Variants in DNAJC18 observed in about 807,000 individuals in gnomAD.
DNAJC18 encodes the protein DnaJ heat shock protein family (Hsp40) member C18, also known as dnaJ homolog subfamily C member 18.
Under a neutral mutation model 48.6 loss-of-function variants are expected in DNAJC18, and 40 were observed. The observed-to-expected ratio is 0.82, with a 90% confidence interval of 0.64 to 1.07. The LOEUF (loss-of-function observed/expected upper bound fraction) is 1.07. DNAJC18 is among the 50% of genes least tolerant of loss of function. The pLI is 0.00. For missense variants in DNAJC18, 340 were observed against 427.7 expected (o/e 0.79, Z 1.81); for synonymous variants, 135 against 152.2 (o/e 0.89, Z 0.83).
At chr5:139,426,111 A>G in intron 4 of DNAJC18, 61 bp downstream of exon 4, 1 of 1,532,420 alleles carries the variant, frequency 6.5e-7, no homozygotes, top group Non-Finnish European at 8.9e-7. Flanking sequence ...TTCAAACAGG[A>G]GCTTGCTGAG....
At chr5:139,428,872 C>T (rs1262692192) in intron 2 of DNAJC18, among the ~76,000 whole-genome samples, 189 bp from the exon 3 acceptor site, 1 of 152,076 alleles carries the variant, frequency 6.6e-6, no homozygotes, top group Non-Finnish European at 1.5e-5. Flanking sequence ...TAATGCCTTT[C>T]AAAGTACTTT....
chr5:139,426,067 G>C, intron 4 of DNAJC18, 105 bp downstream of exon 4: 1 of 1,258,612 alleles, frequency 7.9e-7, no homozygotes. Context: ...GATCCTTGCT[G>C]TTTCCATCAT....
In DNAJC18 at chr5:139,414,131, G is replaced by T. The variant is rs749459331; in HGVS notation, c.*17C>A. On this transcript the variant is annotated 3_prime_UTR_variant, in exon 8 of 8. Coordinates refer to ENST00000302060, the MANE Select transcript of DNAJC18 (RefSeq NM_152686.4). ...ACAAGTAGCAAAACCCCAGCCCTGC[G>T]TAGGACCATTATCCTCTCAGCCACC... is the stretch of plus-strand genomic sequence containing the variant. 6.2e-7 allele frequency: 1 copy of T among 1,608,392 alleles called. No homozygotes were observed. The highest frequency in any genetic ancestry group is 1.7e-5 in the Admixed American group (1 of 58,656).
intron 3 of DNAJC18, among the ~76,000 whole-genome samples, chr5:139,427,779 T>C (rs1022806287): frequency 1.3e-5 from 2 of 152,224 alleles, no homozygotes; most frequent in African/African-American, 4.8e-5. Context: ...CTGTCCCACC[T>C]TTTTTGTTTT....
At position 139,439,476 on chromosome 5, in the gene DNAJC18, C is replaced by G; in HGVS notation, c.-31G>C. 6.2e-7 allele frequency: 1 copy of G among 1,613,832 alleles called. No individual in the cohort carries two copies. Among genetic ancestry groups the G allele is most frequent in the Middle Eastern group, 1.6e-4 (1 of 6,062 alleles). The stretch of plus-strand genomic sequence containing the variant: ...TTCCCAATCAGCAGGTCCGCCGAGC[C>G]TCCCCCGTGCCCGAGGCTGAAAGAG... On this transcript the variant is annotated 5_prime_UTR_variant, in exon 1 of 8. Coordinates refer to ENST00000302060, the MANE Select transcript of DNAJC18 (RefSeq NM_152686.4). This position sits in a 1 kb window ranked among gnomAD's most constrained non-coding sequence, Gnocchi z 4.1.
chr5:139,439,467 C>T lies in DNAJC18; in HGVS notation c.-22G>A. On this transcript the variant is annotated 5_prime_UTR_variant, in exon 1 of 8. Transcript: ENST00000302060. This position sits in a 1 kb window ranked among gnomAD's most constrained non-coding sequence, Gnocchi z 4.1. ...CCATATCGGTTCCCAATCAGCAGGTCCGCCGAGCCTCCCCCGTGCCCGAGG... is the reference window on the plus strand; with the variant it reads ...CCATATCGGTTCCCAATCAGCAGGTTCGCCGAGCCTCCCCCGTGCCCGAGG... The T allele has an allele frequency of 6.2e-7, 1 of 1,613,804 alleles. No individual in the cohort carries two copies. Among genetic ancestry groups the T allele is most frequent in the Non-Finnish European group, 8.5e-7 (1 of 1,179,926 alleles).
chr5:139,423,763 A>G (rs1759190027), intron 5 of DNAJC18, among the ~76,000 whole-genome samples: 1 of 152,158 alleles, frequency 6.6e-6, no homozygotes, highest in African/African-American at 2.4e-5. Context: ...AAAAAAAAAA[A>G]AATCTGAAAT....
intron 3 of DNAJC18, 128 bp from the exon 4 acceptor site, chr5:139,426,485 T>A: frequency 2.8e-6 from 3 of 1,086,022 alleles, no homozygotes; most frequent in Non-Finnish European, 1.3e-6. Flanking sequence ...CAAGAAGAGA[T>A]GCTTGGGCCT....
At position 139,414,099 on chromosome 5, in the gene DNAJC18, A is replaced by C. The variant is rs1441019942; in HGVS notation, c.*49T>G. The C allele has an allele frequency of 1.9e-6, 3 of 1,585,162 alleles. No homozygotes were observed. The highest frequency in any genetic ancestry group is 2.6e-6 in the Non-Finnish European group (3 of 1,169,552). ...ATTATAAAATGGAATCAGGAACATAAATAGGAACAAGTAGCAAAACCCCAG... is the reference window on the plus strand; with the variant it reads ...ATTATAAAATGGAATCAGGAACATACATAGGAACAAGTAGCAAAACCCCAG... On this transcript the variant is annotated 3_prime_UTR_variant, in exon 8 of 8. Coordinates refer to ENST00000302060, the MANE Select transcript of DNAJC18 (RefSeq NM_152686.4).
At chr5:139,428,805 GCA>G (rs1020200206) in intron 2 of DNAJC18, 122 bp from the exon 3 acceptor site, 11 of 1,182,820 alleles carry the variant, frequency 9.3e-6, no homozygotes, top group Non-Finnish European at 1.3e-5. Context: ...GAAAATTAGT[GCA>G]CACGTTAATG....
At chr5:139,420,450 A>C (rs1253741464) in intron 6 of DNAJC18, 1 of 499,540 alleles carries the variant, frequency 2.0e-6, no homozygotes, top group Non-Finnish European at 3.4e-6. Flanking sequence ...GCTTCAGCAT[A>C]GTTTATTCTC....
chr5:139,429,850 C>T (rs553381491), intron 2 of DNAJC18, among the ~76,000 whole-genome samples: 2 of 152,142 alleles, frequency 1.3e-5, no homozygotes, highest in African/African-American at 4.8e-5. Context: ...TCACTTAAGC[C>T]CAGGAGTTTG....
chr5:139,419,190 A>G (rs1759112489), intron 7 of DNAJC18: 1 of 445,192 alleles, frequency 2.2e-6, no homozygotes, highest in African/African-American at 2.0e-5. Context: ...ATAAAAAAGA[A>G]AATAAAAATA....
chr5:139,432,396 C>T (rs1759343674), intron 2 of DNAJC18, among the ~76,000 whole-genome samples: 1 of 152,144 alleles, frequency 6.6e-6, no homozygotes, highest in Non-Finnish European at 1.5e-5. Flanking sequence ...AACTCCTGAC[C>T]TTGTGATCCA....
intron 2 of DNAJC18, among the ~76,000 whole-genome samples, chr5:139,435,705 G>GTTTTGTTTTTTTTTTTTTTTTT (rs1750628150): frequency 2.4e-5 from 1 of 41,194 alleles, no homozygotes; most frequent in African/African-American, 1.1e-4. Context: ...TTCATTGGAA[G>GTTTTGTTTTTTTTTTTTTTTTT]TTTTTTTTTT....
intron 7 of DNAJC18, among the ~76,000 whole-genome samples, chr5:139,419,721 A>C (rs2152083017): frequency 6.6e-6 from 1 of 152,310 alleles, no homozygotes; most frequent in Middle Eastern, 3.4e-3. Flanking sequence ...GGTTATGCAA[A>C]AGGGAAGCTG....
intron 7 of DNAJC18, among the ~76,000 whole-genome samples, chr5:139,419,642 A>G (rs1759121283): frequency 6.6e-6 from 1 of 152,182 alleles, no homozygotes; most frequent in African/African-American, 2.4e-5. Context: ...AGGGGCACTG[A>G]CTGGTGAGAC....
chr5:139,434,415 C>T (rs1750594947), intron 2 of DNAJC18, among the ~76,000 whole-genome samples: 1 of 152,106 alleles, frequency 6.6e-6, no homozygotes, highest in Non-Finnish European at 1.5e-5. Context: ...CCTCGAACTC[C>T]TGGGCTCAAG....
intron 2 of DNAJC18, 83 bp downstream of exon 2, chr5:139,437,289 C>T: frequency 6.9e-7 from 1 of 1,438,922 alleles, no homozygotes; most frequent in Non-Finnish European, 9.3e-7. Flanking sequence ...TCATTATCAT[C>T]AGTCAATACT....
Sources: allele counts gnomAD v4.1 joint callset (sites outside exome capture counted in the v4.1 genomes callset), GRCh38; gene constraint gnomAD v4.1.1; non-coding constraint Gnocchi (gnomAD v3.1); transcripts MANE v1.5; gene names NCBI Gene and HGNC (gene_info 2026-07-23, HGNC 2026-07-21).